The following PLEKHG7 variants were observed in gnomAD, a reference collection of about 807,000 sequenced individuals.
PLEKHG7 encodes the protein pleckstrin homology and RhoGEF domain containing G7, also known as pleckstrin homology domain-containing family G member 7.
In PLEKHG7, 77 loss-of-function variants were observed where a neutral mutation model predicts 85.2. The observed-to-expected ratio is 0.90, with a 90% CI of 0.75 to 1.09. The LOEUF is 1.09. Ranked by LOEUF, PLEKHG7 falls within the 50% of genes least tolerant of loss-of-function variation. The pLI is 0.00. For missense variants in PLEKHG7, 777 were observed against 804.3 expected (o/e 0.97, Z 0.41); for synonymous variants, 301 against 302.4 (o/e 1.00, Z 0.05).
intron 3 of PLEKHG7, among the ~76,000 whole-genome samples, chr12:92,710,461 T>C (rs752032711): frequency 6.6e-6 from 1 of 152,140 alleles, no homozygotes; most frequent in Non-Finnish European, 1.5e-5. Context: ...TGGAATACCA[T>C]GATGGTGGAT....
chr12:92,743,912 A>G (rs1872443002), intron 9 of PLEKHG7, among the ~76,000 whole-genome samples: 1 of 152,032 alleles, frequency 6.6e-6, no homozygotes, highest in Non-Finnish European at 1.5e-5. Context: ...TAGTTCCAAC[A>G]TTTCTCAAGC....
At position 92,732,288 on chromosome 12, in the gene PLEKHG7, T is replaced by C; in HGVS notation, c.699+15T>C. The C allele has an allele frequency of 1.6e-6, 2 of 1,229,688 alleles. No homozygotes were observed. Among genetic ancestry groups the C allele is most frequent in the Non-Finnish European group, 2.0e-6 (2 of 985,794 alleles). The allele number at this position is 1,229,688 out of a possible 1,614,324, so 76.2% of individuals were successfully genotyped here. ...AAAGAGGAGTGGTAAGTGTTGCAAA[T>C]TGCCATTTTTGTTTTAATTAAGCTT... On this transcript the variant is annotated intron_variant, in intron 5 of 16. Transcript: ENST00000344636.
At chr12:92,729,476 T>C (rs1871919782) in intron 4 of PLEKHG7, among the ~76,000 whole-genome samples, 1 of 150,484 alleles carries the variant, frequency 6.6e-6, no homozygotes, top group African/African-American at 2.5e-5. Context: ...TGCTGTCATG[T>C]TCATCTCCCA....
chr12:92,706,765 T>C lies in PLEKHG7; in HGVS notation c.134T>C (p.Ile45Thr). 6.2e-7 allele frequency: 1 copy of C among 1,613,998 alleles called. No homozygotes were observed. The change falls in exon 2 of 17, where the codon ATC becomes ACC. Residue 45 changes from isoleucine to threonine, a missense_variant. Physicochemically the swap from Ile to Thr is moderately conservative, Grantham distance 89. This residue lies in a region of PLEKHG7 where 252 missense variants were observed against 241.9 expected (regional missense o/e 1.04). Transcript: ENST00000344636. ...TTTGACCGGCAAGCCCCAGGCCGCA[T>C]CTCCACCTCGCCCACTTTGAGGAGA... is the stretch of plus-strand genomic sequence containing the variant. ...LQFDRQAPGR[I>T]STSPTLRRLR...
intron 15 of PLEKHG7, among the ~76,000 whole-genome samples, chr12:92,764,412 G>A (rs756558823): frequency 6.6e-6 from 1 of 152,154 alleles, no homozygotes; most frequent in Admixed American, 6.5e-5. Flanking sequence ...TTAGACAAGA[G>A]ACTCTTCAGT....
At chr12:92,753,356 A>G (rs996197146) in intron 10 of PLEKHG7, among the ~76,000 whole-genome samples, 2 of 152,208 alleles carry the variant, frequency 1.3e-5, no homozygotes, top group Non-Finnish European at 2.9e-5. Context: ...CACAGCAGAT[A>G]AAACAAGCGT....
At chr12:92,730,367 G>C (rs1425881438) in intron 4 of PLEKHG7, among the ~76,000 whole-genome samples, 1 of 152,314 alleles carries the variant, frequency 6.6e-6, no homozygotes, top group Non-Finnish European at 1.5e-5. Context: ...AACTACAACA[G>C]TGGTTCTCAA....
chr12:92,753,102 ATAT>A (rs1233221438), intron 10 of PLEKHG7, among the ~76,000 whole-genome samples: 1 of 152,188 alleles, frequency 6.6e-6, no homozygotes, highest in East Asian at 1.9e-4. Flanking sequence ...GTTAAAAGTA[ATAT>A]TAGGTGGATT....
chr12:92,745,666 A>G (rs991779710), intron 10 of PLEKHG7, 75 bp downstream of exon 10: 2 of 934,850 alleles, frequency 2.1e-6, no homozygotes, highest in African/African-American at 3.3e-5. Context: ...GAATGATTAT[A>G]TCTAAATTAA....
intron 16 of PLEKHG7, 48 bp downstream of exon 16, chr12:92,769,128 A>C: frequency 7.4e-7 from 1 of 1,357,490 alleles, no homozygotes; most frequent in Non-Finnish European, 1.0e-6. Flanking sequence ...AGTTTACATA[A>C]GCTCCCCCCA....
chr12:92,733,346 T>A (rs1872048463), intron 5 of PLEKHG7, among the ~76,000 whole-genome samples: 1 of 152,196 alleles, frequency 6.6e-6, no homozygotes, highest in Non-Finnish European at 1.5e-5. Context: ...GTATCACTAG[T>A]AGTAGTATCT....
chr12:92,716,121 G>A (rs1871485822), intron 3 of PLEKHG7, among the ~76,000 whole-genome samples: 1 of 150,904 alleles, frequency 6.6e-6, no homozygotes, highest in African/African-American at 2.5e-5. Context: ...TTTTGAGACA[G>A]AGTCTTGCTC....
intron 14 of PLEKHG7, among the ~76,000 whole-genome samples, 160 bp from the exon 15 acceptor site, chr12:92,763,881 G>A (rs546440514): frequency 3.3e-5 from 5 of 152,072 alleles, no homozygotes; most frequent in African/African-American, 7.2e-5. Flanking sequence ...CTATGCTTTG[G>A]GGAAATGCTT....
chr12:92,703,591 G>A (rs6538354), intron 1 of PLEKHG7, among the ~76,000 whole-genome samples: 3,350 of 152,300 alleles, frequency 0.022, 125 homozygotes, highest in African/African-American at 0.074. Flanking sequence ...CAGAGGAGAA[G>A]TGGCTTGTCC....
intron 3 of PLEKHG7, among the ~76,000 whole-genome samples, chr12:92,724,808 C>T (rs1338685246): frequency 2.0e-5 from 3 of 152,126 alleles, no homozygotes; most frequent in African/African-American, 7.2e-5. Context: ...GTCACATGGC[C>T]TTCAGTAGCT....
rs368113694 is a variant in PLEKHG7, at chr12:92,706,965, C to T, written c.334C>T (p.Pro112Ser). The change falls in exon 2 of 17, where the codon CCT becomes TCT. Residue 112 changes from proline (P) to serine (S), a missense_variant. Physicochemically the swap from Pro to Ser is moderately conservative, Grantham distance 74. Coordinates refer to ENST00000344636, the MANE Select transcript of PLEKHG7 (RefSeq NM_001377329.1). ...LRLHSRLTSE[P>S]ERALNAADSL... ...ACTCCACTCAAGATTGACCTCTGAA[C>T]CTGAAAGGGCCCTGAATGCAGCTGA... The T allele has an allele frequency of 6.8e-6, 11 of 1,614,158 alleles. 1 individual carries two copies. Among genetic ancestry groups the T allele is most frequent in the African/African-American group, 1.3e-5 (1 of 75,038 alleles).
chr12:92,726,912 T>C (rs1041630138), intron 3 of PLEKHG7, among the ~76,000 whole-genome samples: 1 of 152,184 alleles, frequency 6.6e-6, no homozygotes, highest in Non-Finnish European at 1.5e-5. Context: ...GGAACCATGA[T>C]CACCCCCATG....
intron 3 of PLEKHG7, among the ~76,000 whole-genome samples, chr12:92,720,441 CCA>C (rs1159556283): frequency 2.0e-5 from 3 of 151,954 alleles, no homozygotes; most frequent in Non-Finnish European, 4.4e-5. Flanking sequence ...TTCTCATGCC[CCA>C]GTCTCCTGAG....
At chr12:92,748,250 CTTTTT>C (rs11308028) in intron 10 of PLEKHG7, among the ~76,000 whole-genome samples, 3 of 143,436 alleles carry the variant, frequency 2.1e-5, no homozygotes. Flanking sequence ...ACACATGATG[CTTTTT>C]TTTTTTTTTG....
Sources: gnomAD v4.1 joint callset for allele counts (sites outside exome capture counted in the v4.1 genomes callset) on GRCh38, gnomAD v4.1.1 for gene constraint, gnomAD v4.1.1 regional missense constraint, MANE v1.5 for transcripts, NCBI Gene and HGNC (gene_info 2026-07-23, HGNC 2026-07-21) for gene names.